The following MMGT1 variants were observed in gnomAD, a reference collection of about 807,000 sequenced individuals.
The protein encoded by MMGT1 is ER membrane protein complex subunit 5.
A neutral mutation model predicts 11.7 loss-of-function variants in MMGT1; 2 were observed. The observed-to-expected ratio is 0.17, with a 90% CI of 0.07 to 0.54. The LOEUF is 0.54. Ranked by LOEUF, MMGT1 falls within the 20% of genes least tolerant of loss-of-function variation. The pLI is 0.94. For synonymous variants in MMGT1, 49 were observed against 44.4 expected (o/e 1.10, Z -0.41); for missense variants, 74 against 109.0 (o/e 0.68, Z 1.43).
At chrX:135,968,019 A>AT (rs2148118625) in intron 2 of MMGT1, among the ~76,000 whole-genome samples, 1 of 111,028 alleles carries the variant, frequency 9.0e-6, no homozygotes, top group Admixed American at 9.6e-5. Context: ...CGCCAGGCTA[A>AT]TTTTGTATTT....
intron 2 of MMGT1, among the ~76,000 whole-genome samples, chrX:135,970,392 C>G (rs781881909): frequency 1.8e-5 from 2 of 111,375 alleles, no homozygotes; most frequent in Admixed American, 1.9e-4. Flanking sequence ...AAACTAAAAC[C>G]ACTTTCATTT....
intron 3 of MMGT1, 22 bp from the exon 4 acceptor site, chrX:135,965,205 C>G (rs782180789): frequency 6.0e-6 from 7 of 1,158,056 alleles, no homozygotes. Context: ...AAAAAAGCAT[C>G]AATTTTAGAT....
chrX:135,971,499 A>C (rs1556612599), intron 1 of MMGT1, among the ~76,000 whole-genome samples: 1 of 112,112 alleles, frequency 8.9e-6, no homozygotes, highest in East Asian at 2.8e-4. Context: ...GAAATACCTT[A>C]GTATAATTTT....
At position 135,960,797 on chromosome X, in the gene MMGT1, G is replaced by A. The variant is rs940503543; in HGVS notation, c.*4227C>T. Among the ~76,000 whole-genome samples the A allele has an allele frequency of 1.8e-5, 2 of 111,706 alleles. No homozygotes were observed. The highest frequency in any genetic ancestry group is 3.8e-5 in the Non-Finnish European group (2 of 53,093). On this transcript the variant is annotated 3_prime_UTR_variant, in exon 4 of 4. Coordinates refer to ENST00000305963, the MANE Select transcript of MMGT1 (RefSeq NM_173470.3). The stretch of plus-strand genomic sequence containing the variant: ...TACCACCTAATAGAAAACAGAACAT[G>A]ACTACACATTTCACAGGAAATATCA...
At chrX:135,968,497 C>G (rs1384423743) in intron 2 of MMGT1, among the ~76,000 whole-genome samples, 3 of 31,641 alleles carry the variant, frequency 9.5e-5, no homozygotes, top group Non-Finnish European at 1.8e-4. Context: ...AACATTATGT[C>G]ATTGTGTGTG....
At chrX:135,970,633 G>T (rs2089212733) in intron 2 of MMGT1, among the ~76,000 whole-genome samples, 1 of 111,938 alleles carries the variant, frequency 8.9e-6, no homozygotes, top group Non-Finnish European at 1.9e-5. Flanking sequence ...TCACAGGCCA[G>T]GCGCGGTGGC....
intron 2 of MMGT1, 99 bp downstream of exon 2, chrX:135,970,959 T>C (rs1329542017): frequency 5.7e-6 from 3 of 528,512 alleles, no homozygotes; most frequent in Non-Finnish European, 9.8e-6. Flanking sequence ...TTATTTCATG[T>C]CTGAAAAATT....
intron 2 of MMGT1, among the ~76,000 whole-genome samples, chrX:135,967,951 G>A (rs943476701): frequency 9.0e-6 from 1 of 110,586 alleles, no homozygotes; most frequent in Non-Finnish European, 1.9e-5. Flanking sequence ...TCCACCTCCC[G>A]GGTTCAAGCA....
At position 135,963,380 on chromosome X, in the gene MMGT1, CAA is replaced by C. The variant is rs2148116542; in HGVS notation, c.*1642_*1643del. 1 of 111,964 alleles carries C rather than the reference CAA, an allele frequency of 8.9e-6. No homozygotes were observed. The highest frequency in any genetic ancestry group is 3.7e-4 in the South Asian group (1 of 2,673). 9.2% of individuals were successfully genotyped at this position (111,964 alleles called of 1,213,427 possible). A position where few individuals can be genotyped will look rare whatever the true frequency, so the allele number is the denominator to read the frequency against. Reference sequence around the variant, plus strand: ...AAGGAAACAAGAGGCTCTTCCAAACCAAATCGTACCAGAAGAAAACAGTAGCC... The same window carrying C: ...AAGGAAACAAGAGGCTCTTCCAAACCATCGTACCAGAAGAAAACAGTAGCC... On this transcript the variant is annotated 3_prime_UTR_variant, in exon 4 of 4. Coordinates refer to ENST00000305963, the MANE Select transcript of MMGT1 (RefSeq NM_173470.3).
chrX:135,964,794 G>GA lies in MMGT1; in HGVS notation c.*229dup, dbSNP rs200807276. ...CAAAAGATGTGGATTTGTTTTAAAT[G>GA]AAAAAAAAAATAATTCCTATATGAA... On this transcript the variant is annotated 3_prime_UTR_variant, in exon 4 of 4. Coordinates refer to ENST00000305963, the MANE Select transcript of MMGT1 (RefSeq NM_173470.3). 808 of 244,478 alleles carry GA rather than the reference G, an allele frequency of 3.3e-3. 1 individual carries two copies. Among genetic ancestry groups the GA allele is most frequent in the East Asian group, 5.1e-3 (83 of 16,245 alleles). 20.1% of individuals were successfully genotyped at this position (244,478 alleles called of 1,213,427 possible).
intron 3 of MMGT1, among the ~76,000 whole-genome samples, chrX:135,966,930 T>C (rs1338125785): frequency 9.1e-6 from 1 of 110,427 alleles, no homozygotes; most frequent in African/African-American, 3.3e-5. Context: ...TTATCTCACA[T>C]ACTAGGTTCA....
chrX:135,964,952 G>A lies in MMGT1; in HGVS notation c.*72C>T. The A allele has an allele frequency of 2.1e-6, 2 of 931,690 alleles. No individual in the cohort carries two copies. Among genetic ancestry groups the A allele is most frequent in the Non-Finnish European group, 3.0e-6 (2 of 657,675 alleles). The allele number at this position is 931,690 out of a possible 1,213,427, so 76.8% of individuals were successfully genotyped here. On this transcript the variant is annotated 3_prime_UTR_variant, in exon 4 of 4. Coordinates refer to ENST00000305963, the MANE Select transcript of MMGT1 (RefSeq NM_173470.3). Reference sequence around the variant, plus strand: ...ATATAAATACTAATGGGGGCAGGGAGGAGTGTTTTATACCCCAAACTCCAA... The same window carrying A: ...ATATAAATACTAATGGGGGCAGGGAAGAGTGTTTTATACCCCAAACTCCAA...
At position 135,973,748 on chromosome X, in the gene MMGT1, GTC is replaced by G. The variant is rs1556612887; in HGVS notation, c.-75_-74del. On this transcript the variant is annotated 5_prime_UTR_variant, in exon 1 of 4. Transcript: ENST00000305963. ...GCTGTTTCTTCTTCCACCGGCGGGT[GTC>G]CGCGCGCCGCAGAAAGATGACGTCA... The G allele has an allele frequency of 4.6e-5, 54 of 1,164,055 alleles. No homozygotes were observed. Among genetic ancestry groups the G allele is most frequent in the Middle Eastern group, 4.6e-4 (2 of 4,326 alleles).
rs1216686049 is a variant in MMGT1 at position 135,967,372 on chromosome X, G to A, written c.236+18C>T. On this transcript the variant is annotated intron_variant, in intron 3 of 3. Coordinates refer to ENST00000305963, the MANE Select transcript of MMGT1 (RefSeq NM_173470.3). ...AACCTCTATGAAATGCAATGCCTATGAAAAGAGAAAGACTTACTTATTTTT... is the reference window on the plus strand; with the variant it reads ...AACCTCTATGAAATGCAATGCCTATAAAAAGAGAAAGACTTACTTATTTTT... 6 of 1,007,214 alleles carry A rather than the reference G, an allele frequency of 6.0e-6. No individual in the cohort carries two copies. The highest frequency in any genetic ancestry group is 6.9e-6 in the Non-Finnish European group (5 of 719,627). The allele number at this position is 1,007,214 out of a possible 1,213,427, so 83.0% of individuals were successfully genotyped here.
At chrX:135,967,014 T>C (rs1214163750) in intron 3 of MMGT1, among the ~76,000 whole-genome samples, 1 of 84,358 alleles carries the variant, frequency 1.2e-5, no homozygotes, top group African/African-American at 4.9e-5. Context: ...AAGAGGATGG[T>C]AGGAAGAGAG....
chrX:135,964,027 G>A lies in MMGT1; in HGVS notation c.*997C>T, dbSNP rs1334009332. 1 of 112,626 alleles carries A rather than the reference G, an allele frequency of 8.9e-6. No homozygotes were observed. Among genetic ancestry groups the A allele is most frequent in the Non-Finnish European group, 1.9e-5 (1 of 53,308 alleles). The allele number at this position is 112,626 out of a possible 1,213,427, so 9.3% of individuals were successfully genotyped here. A position where few individuals can be genotyped will look rare whatever the true frequency, so the allele number is the denominator to read the frequency against. On this transcript the variant is annotated 3_prime_UTR_variant, in exon 4 of 4. Transcript: ENST00000305963. ...GAAACTACAAAACAATTTCTTAAATGACCTGATTTTCCTAAAAACCTTAAA... is the reference window on the plus strand; with the variant it reads ...GAAACTACAAAACAATTTCTTAAATAACCTGATTTTCCTAAAAACCTTAAA...
intron 1 of MMGT1, among the ~76,000 whole-genome samples, chrX:135,972,536 T>C (rs1481049040): frequency 8.9e-6 from 1 of 112,035 alleles, no homozygotes; most frequent in African/African-American, 3.3e-5. Context: ...ACACTACCTT[T>C]AACCAGGAAT....
intron 2 of MMGT1, among the ~76,000 whole-genome samples, chrX:135,969,575 T>G (rs1309658135): frequency 9.0e-6 from 1 of 111,424 alleles, no homozygotes; most frequent in Non-Finnish European, 1.9e-5. Context: ...CCTGACCTCA[T>G]GATCTGCCTG....
intron 3 of MMGT1, among the ~76,000 whole-genome samples, chrX:135,966,830 T>C (rs2089189086): frequency 9.0e-6 from 1 of 110,835 alleles, no homozygotes; most frequent in Non-Finnish European, 1.9e-5. Flanking sequence ...CTCATGAAAA[T>C]AGCTTAGAAG....
Sources: gnomAD v4.1 joint callset for allele counts (sites outside exome capture counted in the v4.1 genomes callset) on GRCh38, gnomAD v4.1.1 for gene constraint, MANE v1.5 for transcripts, NCBI Gene and HGNC (gene_info 2026-07-23, HGNC 2026-07-21) for gene names.